CAPS2: variants seen among roughly 807,000 people sequenced by gnomAD.
CAPS2 encodes calcyphosin-2.
Under a neutral mutation model 86.5 loss-of-function variants are expected in CAPS2, and 98 were observed. That is an observed-to-expected ratio of 1.13 (90% CI 0.96 to 1.34). CAPS2 has a LOEUF of 1.34. Ranked by LOEUF, CAPS2 falls within the 40% of genes most tolerant of loss-of-function variation. The pLI is 0.00. For synonymous variants in CAPS2, 210 were observed against 225.1 expected (o/e 0.93, Z 0.60); for missense variants, 729 against 686.8 (o/e 1.06, Z -0.69).
intron 1 of CAPS2, among the ~76,000 whole-genome samples, chr12:75,337,632 G>A (rs2041827074): frequency 6.6e-6 from 1 of 151,878 alleles, no homozygotes; most frequent in Non-Finnish European, 1.5e-5. Flanking sequence ...TTTTACATAT[G>A]TATACGTCAG....
chr12:75,370,073 T>C (rs780446030), intron 1 of CAPS2: 1 of 1,559,006 alleles, frequency 6.4e-7, no homozygotes, highest in South Asian at 1.1e-5. Context: ...GTTTTGTTTT[T>C]GTTTTTGACA....
At chr12:75,371,931 C>T (rs1026959868) in intron 1 of CAPS2, among the ~76,000 whole-genome samples, 4 of 152,174 alleles carry the variant, frequency 2.6e-5, no homozygotes, top group African/African-American at 7.2e-5. Context: ...AACTAAGAAA[C>T]GCTCTATGGA....
chr12:75,335,015 C>A, upstream of CAPS2: 3 of 1,041,014 alleles, frequency 2.9e-6, no homozygotes, highest in Non-Finnish European at 2.8e-6. Context: ...TACATATATG[C>A]AGTTAAAAAG....
exon 5 of CAPS2, chr12:75,321,491 T>C (rs1367183462): frequency 6.5e-7 from 1 of 1,546,372 alleles, no homozygotes; most frequent in Non-Finnish European, 8.8e-7. Flanking sequence ...CTTATAGCCC[T>C]CTTTAATTTC....
At chr12:75,290,220 T>G (rs1262868753) in intron 13 of CAPS2, among the ~76,000 whole-genome samples, 2 of 152,188 alleles carry the variant, frequency 1.3e-5, no homozygotes, top group Admixed American at 1.3e-4. Context: ...GTTCAACATT[T>G]TAAAAATAGT....
intron 1 of CAPS2, among the ~76,000 whole-genome samples, chr12:75,336,841 T>C (rs2041768827): frequency 6.6e-6 from 1 of 151,844 alleles, no homozygotes; most frequent in African/African-American, 2.4e-5. Context: ...AAGTATTCAT[T>C]ACATTCATCA....
At chr12:75,370,387 C>T (rs970291976) in intron 1 of CAPS2, 9 of 412,928 alleles carry the variant, frequency 2.2e-5, no homozygotes, top group Non-Finnish European at 3.9e-5. Context: ...TTTTTAATTA[C>T]AAATCCATAT....
chr12:75,376,149 G>C (rs1241419147), intron 1 of CAPS2, among the ~76,000 whole-genome samples: 1 of 152,070 alleles, frequency 6.6e-6, no homozygotes, highest in Non-Finnish European at 1.5e-5. Context: ...ACTCACAGTG[G>C]GCCATCGTTT....
At chr12:75,283,833 A>T (rs1593198458) in intron 15 of CAPS2, among the ~76,000 whole-genome samples, 1 of 152,228 alleles carries the variant, frequency 6.6e-6, no homozygotes, top group East Asian at 1.9e-4. Flanking sequence ...AATAAATAAA[A>T]GATAGTAGGA....
intron 8 of CAPS2, among the ~76,000 whole-genome samples, chr12:75,304,473 G>A (rs11180456): frequency 0.28 from 42,525 of 151,884 alleles, 7,370 homozygotes; most frequent in East Asian, 0.45. Context: ...AAAATTTCTC[G>A]GTAACTATAT....
chr12:75,283,487 C>T (rs1218861532), intron 15 of CAPS2, among the ~76,000 whole-genome samples: 1 of 151,994 alleles, frequency 6.6e-6, no homozygotes, highest in East Asian at 1.9e-4. Context: ...TAGGGTGGCC[C>T]CTTATCCAAT....
chr12:75,284,298 T>C (rs1203109041), intron 15 of CAPS2, among the ~76,000 whole-genome samples: 1 of 152,190 alleles, frequency 6.6e-6, no homozygotes, highest in African/African-American at 2.4e-5. Context: ...TTACATTATA[T>C]AGAATAGCTT....
chr12:75,330,975 G>A (rs768523488), upstream of CAPS2, among the ~76,000 whole-genome samples: 1 of 151,984 alleles, frequency 6.6e-6, no homozygotes, highest in African/African-American at 2.4e-5. Context: ...TATATAGAGG[G>A]GGTTTCACCA....
At chr12:75,306,145 G>A (rs2038463193) in intron 7 of CAPS2, 4 of 1,070,978 alleles carry the variant, frequency 3.7e-6, no homozygotes, top group Admixed American at 3.7e-5. Context: ...GCTCATCACC[G>A]AGGAGTTCGT....
intron 7 of CAPS2, 78 bp downstream of exon 7, chr12:75,312,770 G>T: frequency 1.2e-6 from 1 of 857,162 alleles, no homozygotes; most frequent in South Asian, 1.4e-5. Flanking sequence ...ATTGACCAAG[G>T]ATATGAATGT....
At chr12:75,306,054 G>A (rs912072247) in intron 7 of CAPS2, 65 of 1,468,558 alleles carry the variant, frequency 4.4e-5, no homozygotes, top group Non-Finnish European at 5.9e-5. Context: ...CAGAGACAGC[G>A]CCGTCTAGAA....
upstream of CAPS2, among the ~76,000 whole-genome samples, chr12:75,327,097 G>A (rs981869194): frequency 2.0e-5 from 3 of 152,094 alleles, no homozygotes; most frequent in African/African-American, 7.2e-5. Flanking sequence ...TTGTACTTCT[G>A]ACCTCCAGAA....
intron 1 of CAPS2, among the ~76,000 whole-genome samples, chr12:75,370,876 AC>A (rs1196791139): frequency 6.6e-6 from 1 of 152,184 alleles, no homozygotes; most frequent in Non-Finnish European, 1.5e-5. Flanking sequence ...AAGGAAAAAA[AC>A]ATAATATTTA....
chr12:75,364,397 A>G (rs1408492000), intron 1 of CAPS2, among the ~76,000 whole-genome samples: 1 of 152,214 alleles, frequency 6.6e-6, no homozygotes, highest in Non-Finnish European at 1.5e-5. Context: ...TGGCCAGTAA[A>G]CATTTACTTT....
Sources: allele counts gnomAD v4.1 joint callset (sites outside exome capture counted in the v4.1 genomes callset), GRCh38; gene constraint gnomAD v4.1.1; transcripts MANE v1.5; gene names NCBI Gene and HGNC (gene_info 2026-07-23, HGNC 2026-07-21).